The following SNTG2 variants were observed in gnomAD, a reference collection of about 807,000 sequenced individuals.
SNTG2 encodes syntrophin gamma 2.
A neutral mutation model predicts 70.9 loss-of-function variants in SNTG2; 74 were observed. The ratio of observed to expected loss-of-function variants is 1.04; its 90% CI spans 0.86 to 1.27. The LOEUF (loss-of-function observed/expected upper bound fraction) is 1.27. Among genes scored for constraint, SNTG2 ranks in the 50% most tolerant of loss-of-function variants. The pLI is 0.00. For synonymous variants in SNTG2, 278 were observed against 273.8 expected, an observed-to-expected ratio of 1.02 and a Z score of -0.15; for missense variants, 717 against 690.7, an observed-to-expected ratio of 1.04 and a Z score of -0.43.
At chr2:1,258,609 C>T (rs1454545001) in intron 12 of SNTG2, among the ~76,000 whole-genome samples, 2 of 152,274 alleles carry the variant, frequency 1.3e-5, no homozygotes, top group East Asian at 3.9e-4. Context: ...TAATTCCGTG[C>T]ACTTTGGATT....
intron 13 of SNTG2, among the ~76,000 whole-genome samples, chr2:1,265,781 T>G (rs918816927): frequency 1.3e-5 from 2 of 152,246 alleles, no homozygotes; most frequent in African/African-American, 4.8e-5. Context: ...CTCAGAATCA[T>G]GATGGGAAGA....
chr2:997,883 A>G (rs1051300542), intron 1 of SNTG2, among the ~76,000 whole-genome samples: 2 of 152,208 alleles, frequency 1.3e-5, no homozygotes, highest in Non-Finnish European at 2.9e-5. Flanking sequence ...CTGGAACTAC[A>G]CAACCCATTA....
intron 11 of SNTG2, among the ~76,000 whole-genome samples, chr2:1,246,967 C>G (rs1190463686): frequency 6.6e-6 from 1 of 152,190 alleles, no homozygotes; most frequent in Admixed American, 6.5e-5. Context: ...ATATAATTAG[C>G]TGTTTTTACT....
At chr2:1,225,809 C>G (rs1388562803) in intron 9 of SNTG2, among the ~76,000 whole-genome samples, 1 of 152,206 alleles carries the variant, frequency 6.6e-6, no homozygotes, top group Non-Finnish European at 1.5e-5. Flanking sequence ...TCGTCCTGCT[C>G]TTGAGTGACA....
At chr2:1,231,738 G>A (rs1422545778) in intron 9 of SNTG2, among the ~76,000 whole-genome samples, 1 of 152,202 alleles carries the variant, frequency 6.6e-6, no homozygotes, top group African/African-American at 2.4e-5. Flanking sequence ...GCAGGCAGCA[G>A]GCAGAGGGGA....
chr2:1,243,446 C>CA (rs1677178178), intron 11 of SNTG2, among the ~76,000 whole-genome samples: 1 of 152,042 alleles, frequency 6.6e-6, no homozygotes, highest in East Asian at 1.9e-4. Context: ...GTAATTCCAC[C>CA]CTTGATCAAG....
chr2:1,231,284 T>C (rs926571939), intron 9 of SNTG2, among the ~76,000 whole-genome samples: 23 of 151,776 alleles, frequency 1.5e-4, no homozygotes, highest in African/African-American at 4.4e-4. Flanking sequence ...ATCCAAAAGG[T>C]GAATTACTTA....
At chr2:1,162,595 A>G (rs1005918342) in intron 6 of SNTG2, among the ~76,000 whole-genome samples, 12 of 152,058 alleles carry the variant, frequency 7.9e-5, no homozygotes, top group Admixed American at 3.9e-4. Context: ...CCCACACCGC[A>G]CACTCTGCAC....
intron 1 of SNTG2, among the ~76,000 whole-genome samples, chr2:1,069,195 G>A (rs1007371595): frequency 3.3e-5 from 5 of 152,156 alleles, no homozygotes; most frequent in African/African-American, 9.7e-5. Context: ...ACCTTAACAC[G>A]AAAATCGTGT....
At chr2:1,043,247 G>GA (rs1661543069) in intron 1 of SNTG2, among the ~76,000 whole-genome samples, 1 of 151,892 alleles carries the variant, frequency 6.6e-6, no homozygotes, top group African/African-American at 2.4e-5. Context: ...ATTTGTTGAA[G>GA]TTTCCTATAA....
chr2:1,335,024 G>A (rs1659729584), intron 16 of SNTG2, among the ~76,000 whole-genome samples: 1 of 152,208 alleles, frequency 6.6e-6, no homozygotes, highest in Non-Finnish European at 1.5e-5. Context: ...AAATGGTTAT[G>A]TTGTTTCTTC....
intron 16 of SNTG2, among the ~76,000 whole-genome samples, chr2:1,337,177 T>A (rs1333014052): frequency 1.3e-5 from 2 of 152,164 alleles, no homozygotes; most frequent in Non-Finnish European, 2.9e-5. Flanking sequence ...TCTGCTTGAG[T>A]CCCTGCTTTA....
At chr2:1,012,530 T>C (rs1659759364) in intron 1 of SNTG2, among the ~76,000 whole-genome samples, 1 of 151,668 alleles carries the variant, frequency 6.6e-6, no homozygotes, top group Non-Finnish European at 1.5e-5. Flanking sequence ...GAGAGAAGGG[T>C]GATCTAGAAA....
At chr2:1,156,489 G>A (rs1475583399) in intron 6 of SNTG2, among the ~76,000 whole-genome samples, 1 of 152,184 alleles carries the variant, frequency 6.6e-6, no homozygotes, top group Non-Finnish European at 1.5e-5. Flanking sequence ...AAAACAGGTT[G>A]AGGCGTGTCC....
chr2:1,198,989 T>C (rs573645062), intron 8 of SNTG2, among the ~76,000 whole-genome samples: 3 of 151,980 alleles, frequency 2.0e-5, no homozygotes, highest in South Asian at 2.1e-4. Flanking sequence ...CTTAAACTAC[T>C]TCAAAAATTG....
chr2:981,703 GCACA>G (rs1354555942), intron 1 of SNTG2, among the ~76,000 whole-genome samples: 13 of 152,200 alleles, frequency 8.5e-5, no homozygotes, highest in African/African-American at 3.1e-4. Flanking sequence ...ATATACACAT[GCACA>G]CACAAACAAG....
chr2:1,192,752 C>T (rs750353592), intron 8 of SNTG2, among the ~76,000 whole-genome samples: 5 of 152,142 alleles, frequency 3.3e-5, no homozygotes, highest in Non-Finnish European at 5.9e-5. Context: ...CCTCCTACAC[C>T]CTCCCCTAGT....
At chr2:1,304,838 T>C (rs1360523781) in intron 14 of SNTG2, among the ~76,000 whole-genome samples, 1 of 152,186 alleles carries the variant, frequency 6.6e-6, no homozygotes, top group Non-Finnish European at 1.5e-5. Context: ...TTTCTGTAAA[T>C]ATTGATTGCT....
chr2:1,262,186 G>A (rs1048440538), intron 13 of SNTG2, among the ~76,000 whole-genome samples: 9 of 152,168 alleles, frequency 5.9e-5, no homozygotes, highest in Admixed American at 1.3e-4. Context: ...CAACTCCACT[G>A]AAACAAAGGA....
Sources: gnomAD v4.1 joint callset for allele counts (sites outside exome capture counted in the v4.1 genomes callset) on GRCh38, gnomAD v4.1.1 for gene constraint, MANE v1.5 for transcripts, NCBI Gene and HGNC (gene_info 2026-07-23, HGNC 2026-07-21) for gene names.